The following LTBP1 variants were observed in gnomAD, a reference collection of about 807,000 sequenced individuals.
LTBP1 encodes the protein latent transforming growth factor beta binding protein 1.
In LTBP1, 129 loss-of-function variants were observed where a neutral mutation model predicts 207.6. That is an observed-to-expected ratio of 0.62 (90% confidence interval 0.54 to 0.72). The LOEUF is 0.72. Among genes scored for constraint, LTBP1 ranks in the 30% least tolerant of loss-of-function variants. The pLI, the probability that LTBP1 is intolerant of heterozygous loss-of-function variation, is 0.00. For synonymous variants in LTBP1, 963 were observed against 833.7 expected, an observed-to-expected ratio of 1.16 and a Z score of -2.67; for missense variants, 2,281 against 2,217.2, an observed-to-expected ratio of 1.03 and a Z score of -0.58.
At chr2:33,078,857 C>CTTTTTTTTTTTTTTTT (rs879714056) in intron 3 of LTBP1, among the ~76,000 whole-genome samples, 5 of 92,154 alleles carry the variant, frequency 5.4e-5, no homozygotes, top group Admixed American at 1.5e-4. Flanking sequence ...CTTTTCTTTT[C>CTTTTTTTTTTTTTTTT]TTTTCTTTTT....
chr2:33,118,532 C>T (rs761135292), intron 4 of LTBP1, among the ~76,000 whole-genome samples: 43 of 152,160 alleles, frequency 2.8e-4, no homozygotes, highest in Admixed American at 1.8e-3. Context: ...ACTAAAGATT[C>T]CTGAAAGAAA....
intron 11 of LTBP1, among the ~76,000 whole-genome samples, chr2:33,254,851 G>GTTT (rs1558893129): frequency 1.4e-4 from 1 of 7,062 alleles, no homozygotes; most frequent in African/African-American, 8.8e-4. Flanking sequence ...TGCGGTGTTT[G>GTTT]GTTTTTTTTT....
rs141086697 is a variant in LTBP1 at position 33,078,599 on chromosome 2, A to G, written c.864-31983A>G. On this transcript the variant is annotated intron_variant, in intron 3 of 33. Transcript: ENST00000404816. ...TGGACGATTATGTTTAATTCAAATA[A>G]GAAGCATACAATAGGAGTATTTATA... 2.1e-3 allele frequency among the ~76,000 whole-genome samples: 320 copies of G among 152,194 alleles called. 3 individuals carry two copies. The highest frequency in any genetic ancestry group is 7.1e-3 in the African/African-American group (293 of 41,436).
Position 33,188,752 on chromosome 2 carries a change from A to T in LTBP1, c.1602A>T (p.Ile534=). The change falls in exon 7 of 34, where the codon ATA becomes ATT. Residue 534 remains isoleucine, a synonymous_variant. Coordinates refer to ENST00000404816, the MANE Select transcript of LTBP1 (RefSeq NM_206943.4). The stretch of plus-strand genomic sequence containing the variant: ...TTCCTGTCCAGAAGACCCAGACCAT[A>T]CATTCCACATACTCCCACCAGCAGG... ...QGLPVQKTQT[I]HSTYSHQQVI... The T allele has an allele frequency of 6.2e-7, 1 of 1,614,146 alleles. No homozygotes were observed. The highest frequency in any genetic ancestry group is 8.5e-7 in the Non-Finnish European group (1 of 1,180,026).
intron 3 of LTBP1, among the ~76,000 whole-genome samples, chr2:33,027,880 A>G (rs960640735): frequency 6.6e-5 from 10 of 152,168 alleles, no homozygotes; most frequent in African/African-American, 2.2e-4. Context: ...TTTTGAAATA[A>G]TCACCAAGCC....
At chr2:32,979,685 G>A (rs1456924317) in intron 2 of LTBP1, among the ~76,000 whole-genome samples, 4 of 152,096 alleles carry the variant, frequency 2.6e-5, no homozygotes, top group Non-Finnish European at 2.9e-5. Flanking sequence ...GTAAATATCC[G>A]TTAGGTCCAT....
chr2:32,969,274 T>G (rs1467609279), intron 2 of LTBP1, among the ~76,000 whole-genome samples: 6 of 150,674 alleles, frequency 4.0e-5, no homozygotes, highest in African/African-American at 1.5e-4. Context: ...TGTGTGTGTT[T>G]TAATTTAAAA....
intron 2 of LTBP1, among the ~76,000 whole-genome samples, chr2:32,958,597 A>G (rs576959937): frequency 6.6e-6 from 1 of 152,352 alleles, no homozygotes; most frequent in East Asian, 1.9e-4. Flanking sequence ...CCACAGTACA[A>G]ATGCTACCTA....
intron 24 of LTBP1, among the ~76,000 whole-genome samples, chr2:33,341,729 A>ATATATATATATAT (rs1553509296): frequency 4.8e-4 from 45 of 93,618 alleles, no homozygotes; most frequent in African/African-American, 1.7e-3. Context: ...AAAAAAAAAA[A>ATATATATATATAT]ATATATATAT....
intron 31 of LTBP1, among the ~76,000 whole-genome samples, chr2:33,387,960 T>C (rs1381875610): frequency 6.6e-6 from 1 of 152,180 alleles, no homozygotes; most frequent in African/African-American, 2.4e-5. Context: ...CACCTCACAG[T>C]CCTAACAGAG....
At chr2:33,090,270 C>T (rs1354327784) in intron 3 of LTBP1, among the ~76,000 whole-genome samples, 2 of 152,196 alleles carry the variant, frequency 1.3e-5, no homozygotes, top group African/African-American at 4.8e-5. Context: ...TTATCATTGG[C>T]TTGAAAGTTG....
chr2:32,991,472 T>TA (rs1684407667), intron 2 of LTBP1, among the ~76,000 whole-genome samples: 2 of 152,242 alleles, frequency 1.3e-5, no homozygotes, highest in South Asian at 4.1e-4. Context: ...GAACATGTTT[T>TA]AAAAATCACA....
At chr2:33,327,019 G>A (rs1239546199) in intron 24 of LTBP1, among the ~76,000 whole-genome samples, 5 of 152,064 alleles carry the variant, frequency 3.3e-5, no homozygotes, top group African/African-American at 1.2e-4. Flanking sequence ...GTTTAAAAAT[G>A]CATTTTAGAT....
At chr2:33,197,668 A>G (rs1202497930) in intron 7 of LTBP1, among the ~76,000 whole-genome samples, 1 of 152,206 alleles carries the variant, frequency 6.6e-6, no homozygotes, top group Non-Finnish European at 1.5e-5. Context: ...AACATGTTTT[A>G]TTGATTGCCC....
chr2:33,300,133 A>G (rs79907586), intron 20 of LTBP1, among the ~76,000 whole-genome samples: 2,262 of 152,310 alleles, frequency 0.015, 22 homozygotes, highest in East Asian at 0.026. Flanking sequence ...GAGCGACATT[A>G]TATTGCATCA....
At chr2:33,116,439 G>T (rs1381900406) in intron 4 of LTBP1, among the ~76,000 whole-genome samples, 1 of 152,060 alleles carries the variant, frequency 6.6e-6, no homozygotes, top group African/African-American at 2.4e-5. Context: ...CTTCTTAAAG[G>T]TCTTTAAACA....
chr2:33,133,119 C>T (rs1018238643), intron 4 of LTBP1, among the ~76,000 whole-genome samples: 4 of 152,088 alleles, frequency 2.6e-5, no homozygotes, highest in Admixed American at 6.6e-5. Context: ...GAGATGGTTG[C>T]GTTAGAAAAC....
At chr2:33,115,035 T>TACAC (rs1306356115) in intron 4 of LTBP1, among the ~76,000 whole-genome samples, 1,372 of 98,184 alleles carry the variant, frequency 0.014, 11 homozygotes, top group Middle Eastern at 0.017. Flanking sequence ...CAAACAGATA[T>TACAC]ATACACACAC....
chr2:33,242,086 T>C (rs1365434870), intron 9 of LTBP1, among the ~76,000 whole-genome samples: 2 of 152,216 alleles, frequency 1.3e-5, no homozygotes, highest in Admixed American at 1.3e-4. Context: ...TCATATTTTA[T>C]CACTGAAATT....
Sources: allele counts gnomAD v4.1 joint callset (sites outside exome capture counted in the v4.1 genomes callset), GRCh38; gene constraint gnomAD v4.1.1; transcripts MANE v1.5; gene names NCBI Gene and HGNC (gene_info 2026-07-23, HGNC 2026-07-21).